The following ITGAV variants were observed in gnomAD, a reference collection of about 807,000 sequenced individuals.
ITGAV encodes the protein integrin alpha-V.
ITGAV carries 76 observed loss-of-function variants against 143.8 expected under a neutral mutation model. The observed-to-expected ratio is 0.53, with a 90% CI of 0.44 to 0.64. The LOEUF is 0.64. ITGAV is among the 30% of genes least tolerant of loss of function. ITGAV has a pLI of 0.00. For synonymous variants in ITGAV, 453 were observed against 446.7 expected, an observed-to-expected ratio of 1.01 and a Z score of -0.18; for missense variants, 1,193 against 1,274.7, an observed-to-expected ratio of 0.94 and a Z score of 0.98.
intron 6 of ITGAV, among the ~76,000 whole-genome samples, chr2:186,633,985 A>G (rs1018112453): frequency 2.4e-4 from 37 of 152,132 alleles, no homozygotes; most frequent in Admixed American, 2.4e-3. Context: ...CCAAGATCAT[A>G]CGACTGTACT....
intron 13 of ITGAV, among the ~76,000 whole-genome samples, chr2:186,648,343 C>T (rs1041285563): frequency 6.6e-6 from 1 of 152,176 alleles, no homozygotes; most frequent in Non-Finnish European, 1.5e-5. Context: ...TTAAAGCACT[C>T]ACCAGCAGTA....
At chr2:186,629,676 A>T (rs746895353) in intron 4 of ITGAV, among the ~76,000 whole-genome samples, 7 of 152,186 alleles carry the variant, frequency 4.6e-5, no homozygotes, top group Middle Eastern at 3.4e-3. Context: ...ATTATTTAGC[A>T]GAAGTTCTTA....
chr2:186,613,500 A>G (rs1687273690), intron 2 of ITGAV, among the ~76,000 whole-genome samples: 1 of 152,096 alleles, frequency 6.6e-6, no homozygotes, highest in Non-Finnish European at 1.5e-5. Context: ...TATGTAAAAG[A>G]TGTTTCTGGA....
chr2:186,599,579 C>T (rs1686840610), intron 1 of ITGAV, among the ~76,000 whole-genome samples: 1 of 152,198 alleles, frequency 6.6e-6, no homozygotes, highest in South Asian at 2.1e-4. Context: ...ACTGCAGCCT[C>T]AACCTCCTGG....
chr2:186,591,392 C>G lies in ITGAV; in HGVS notation c.185+869C>G, dbSNP rs531485477. ...TGACATCATTCTCACCACCCCACCCCCATGTTAGCGTTAGGAGTACTGTTT... is the reference window on the plus strand; with the variant it reads ...TGACATCATTCTCACCACCCCACCCGCATGTTAGCGTTAGGAGTACTGTTT... On this transcript the variant is annotated intron_variant, in intron 1 of 29. Transcript: ENST00000261023. 2.6e-5 allele frequency among the ~76,000 whole-genome samples: 4 copies of G among 152,104 alleles called. No homozygotes were observed. The South Asian group carries it at 8.3e-4, about 32-fold the overall frequency.
intron 2 of ITGAV, among the ~76,000 whole-genome samples, chr2:186,605,942 A>G (rs1574462965): frequency 1.3e-5 from 2 of 150,474 alleles, no homozygotes; most frequent in South Asian, 4.2e-4. Flanking sequence ...ATCCTTTTGT[A>G]TAACTTCTGA....
At chr2:186,634,990 AC>A (rs1414738601) in intron 6 of ITGAV, among the ~76,000 whole-genome samples, 2 of 150,958 alleles carry the variant, frequency 1.3e-5, no homozygotes, top group Non-Finnish European at 2.9e-5. Context: ...AAAATGTATG[AC>A]CTTTTTTTTT....
chr2:186,669,308 A>G (rs1341360470), intron 25 of ITGAV, among the ~76,000 whole-genome samples: 1 of 152,234 alleles, frequency 6.6e-6, no homozygotes, highest in Non-Finnish European at 1.5e-5. Flanking sequence ...ACTTTTGGAT[A>G]TAGTCATCTC....
Position 186,615,679 on chromosome 2 carries a change from C to T in ITGAV, c.317-6660C>T, listed in dbSNP as rs549869182. Among the ~76,000 whole-genome samples the T allele has an allele frequency of 6.7e-5, 10 of 149,850 alleles. No individual in the cohort carries two copies. The South Asian group carries it at 8.5e-4, about 13-fold the overall frequency. ...GTCTTACTGAGTTGTAGGAGTTTTT[C>T]GTTTTTTTTTTCATATTATTTAGGA... On this transcript the variant is annotated intron_variant, in intron 2 of 29. Transcript: ENST00000261023.
rs115519151 is a variant in ITGAV at position 186,605,180 on chromosome 2, C to T, written c.316+3029C>T. 3.4e-3 allele frequency among the ~76,000 whole-genome samples: 513 copies of T among 152,238 alleles called. 3 individuals carry two copies. Among genetic ancestry groups the T allele is most frequent in the African/African-American group, 0.012 (486 of 41,536 alleles). ...ACAGAATACTAGGTGTAGAGAGCCA[C>T]GTGACAGGAGCTGTGGCTTTTTTCA... On this transcript the variant is annotated intron_variant, in intron 2 of 29. Transcript: ENST00000261023.
chr2:186,615,316 T>C (rs1166971136), intron 2 of ITGAV, among the ~76,000 whole-genome samples: 1 of 152,184 alleles, frequency 6.6e-6, no homozygotes, highest in Non-Finnish European at 1.5e-5. Flanking sequence ...CTTGTATAGA[T>C]GTCTAGGAGT....
At chr2:186,631,710 A>C (rs532392730) in intron 5 of ITGAV, among the ~76,000 whole-genome samples, 20 of 152,310 alleles carry the variant, frequency 1.3e-4, no homozygotes, top group Non-Finnish European at 2.6e-4. Context: ...TATGATGCAT[A>C]AGAACTAATA....
intron 18 of ITGAV, among the ~76,000 whole-genome samples, chr2:186,660,315 T>TA (rs1335280791): frequency 6.6e-6 from 1 of 152,196 alleles, no homozygotes; most frequent in Non-Finnish European, 1.5e-5. Flanking sequence ...ATAACTGCAG[T>TA]AATATTTGAC....
chr2:186,665,311 T>A, intron 21 of ITGAV, 93 bp downstream of exon 21: 1 of 782,926 alleles, frequency 1.3e-6, no homozygotes, highest in Non-Finnish European at 2.2e-6. Flanking sequence ...AATAAACACT[T>A]CAAAACAATG....
chr2:186,644,332 T>C (rs1167618586), intron 12 of ITGAV, among the ~76,000 whole-genome samples: 1 of 151,930 alleles, frequency 6.6e-6, no homozygotes, highest in Admixed American at 6.6e-5. Context: ...TGTTTTGTTT[T>C]TTGTTTTTTT....
At chr2:186,630,739 T>G (rs548483050) in intron 4 of ITGAV, 58 bp from the exon 5 acceptor site, 3 of 917,916 alleles carry the variant, frequency 3.3e-6, no homozygotes, top group Admixed American at 1.9e-5. Flanking sequence ...TTTTCTCATG[T>G]TTTGTTTTGT....
chr2:186,651,519 T>G (rs959789090), intron 14 of ITGAV, among the ~76,000 whole-genome samples: 5 of 152,228 alleles, frequency 3.3e-5, no homozygotes. Flanking sequence ...TTCTATGCAT[T>G]AAAAAATCAT....
chr2:186,591,059 A>G (rs191561313), intron 1 of ITGAV, among the ~76,000 whole-genome samples: 2 of 152,310 alleles, frequency 1.3e-5, no homozygotes, highest in East Asian at 1.9e-4. Flanking sequence ...TAAAATGACC[A>G]TACTGTCCTA....
intron 25 of ITGAV, among the ~76,000 whole-genome samples, 186 bp downstream of exon 25, chr2:186,669,106 G>C (rs993395575): frequency 5.3e-5 from 8 of 152,198 alleles, no homozygotes; most frequent in African/African-American, 1.4e-4. Flanking sequence ...AATTGATTCT[G>C]TGATGTCTAG....
Sources: allele counts gnomAD v4.1 joint callset (sites outside exome capture counted in the v4.1 genomes callset), GRCh38; gene constraint gnomAD v4.1.1; transcripts MANE v1.5; gene names NCBI Gene and HGNC (gene_info 2026-07-23, HGNC 2026-07-21).